STX18: variants seen among roughly 807,000 people sequenced by gnomAD.
STX18 encodes the protein syntaxin 18.
In STX18, 40 loss-of-function variants were observed where a neutral mutation model predicts 50.1. The observed-to-expected ratio is 0.80, with a 90% CI of 0.62 to 1.04. The LOEUF (loss-of-function observed/expected upper bound fraction) is 1.04, where lower values mean the gene tolerates loss of function less well. Ranked by LOEUF, STX18 falls within the 50% of genes least tolerant of loss-of-function variation. The pLI, the probability that STX18 is intolerant of heterozygous loss-of-function variation, is 0.00. For missense variants in STX18, 410 were observed against 415.8 expected, an observed-to-expected ratio of 0.99 and a Z score of 0.12; for synonymous variants, 158 against 151.8, an observed-to-expected ratio of 1.04 and a Z score of -0.30.
chr4:4,447,801 GT>G (rs1460866683), intron 5 of STX18, among the ~76,000 whole-genome samples: 1 of 152,052 alleles, frequency 6.6e-6, no homozygotes, highest in Non-Finnish European at 1.5e-5. Context: ...AGGCAGAATG[GT>G]TAATAAGACA....
At chr4:4,468,874 C>G (rs1038344246) in intron 2 of STX18, among the ~76,000 whole-genome samples, 2 of 152,152 alleles carry the variant, frequency 1.3e-5, no homozygotes, top group Non-Finnish European at 2.9e-5. Flanking sequence ...GTGGAAACAG[C>G]CCCGTATTCT....
chr4:4,422,569 C>CAAA (rs59060926), intron 9 of STX18, among the ~76,000 whole-genome samples: 1 of 107,652 alleles, frequency 9.3e-6, no homozygotes. Context: ...ACTCTGTCTC[C>CAAA]AAAAAAAAAA....
intron 1 of STX18, among the ~76,000 whole-genome samples, chr4:4,512,626 T>C (rs1730055185): frequency 6.6e-6 from 1 of 152,202 alleles, no homozygotes; most frequent in Non-Finnish European, 1.5e-5. Context: ...TGTATAATAC[T>C]GAACTAGATT....
chr4:4,443,579 C>T (rs1473855840), intron 5 of STX18, among the ~76,000 whole-genome samples: 1 of 152,108 alleles, frequency 6.6e-6, no homozygotes. Flanking sequence ...GATTCAGAAA[C>T]CTATGAAGGT....
chr4:4,442,825 C>G (rs1411549355), intron 5 of STX18, among the ~76,000 whole-genome samples: 3 of 146,454 alleles, frequency 2.0e-5, no homozygotes, highest in Non-Finnish European at 3.0e-5. Flanking sequence ...AAAAAAAGCC[C>G]CACCATAGGT....
chr4:4,459,486 G>C lies in STX18; in HGVS notation c.238C>G (p.His80Asp). The C allele has an allele frequency of 6.2e-7, 1 of 1,610,218 alleles. No individual in the cohort carries two copies. The highest frequency in any genetic ancestry group is 8.5e-7 in the Non-Finnish European group (1 of 1,176,652). The change falls in exon 3 of 11, where the codon CAT becomes GAT. Residue 80 changes from histidine to aspartate, a missense_variant and splice_region_variant. Physicochemically the swap from His to Asp is moderately conservative, Grantham distance 81. Coordinates refer to ENST00000306200, the MANE Select transcript of STX18 (RefSeq NM_016930.4). ...ATCCTCCCATATTCAGACATGGTAT[G>C]GCTAAAAAAAGACAGCAAAGGAAAG... ...HRKDYINAYS[H>D]TMSEYGRMTD...
At chr4:4,479,675 A>G (rs1367562066) in intron 1 of STX18, among the ~76,000 whole-genome samples, 1 of 152,254 alleles carries the variant, frequency 6.6e-6, no homozygotes, top group African/African-American at 2.4e-5. Flanking sequence ...TATTTTAATG[A>G]CGCTAATTTC....
chr4:4,419,173 C>G lies in STX18; in HGVS notation c.*861G>C, dbSNP rs1724776530. ...TTCCTGTACAGATGTCTCATGCCTTCAGTTACACATAGGTGTTCCTGTTTA... is the reference window on the plus strand; with the variant it reads ...TTCCTGTACAGATGTCTCATGCCTTGAGTTACACATAGGTGTTCCTGTTTA... On this transcript the variant is annotated 3_prime_UTR_variant, in exon 11 of 11. Transcript: ENST00000306200. The G allele has an allele frequency of 6.6e-6, 1 of 152,268 alleles. No individual in the cohort carries two copies. The highest frequency in any genetic ancestry group is 1.5e-5 in the Non-Finnish European group (1 of 68,064). The allele number at this position is 152,268 out of a possible 1,614,324, so 9.4% of individuals were successfully genotyped here. A position where few individuals can be genotyped will look rare whatever the true frequency, so the allele number is the denominator to read the frequency against.
chr4:4,497,026 C>T (rs1167849865), intron 1 of STX18, among the ~76,000 whole-genome samples: 6 of 152,216 alleles, frequency 3.9e-5, no homozygotes, highest in Non-Finnish European at 8.8e-5. Context: ...GCGAAACAAA[C>T]CCCACAAAGC....
chr4:4,436,419 T>C (rs955529246), intron 6 of STX18, among the ~76,000 whole-genome samples: 1 of 150,220 alleles, frequency 6.7e-6, no homozygotes, highest in African/African-American at 2.4e-5. Context: ...ACCCCCACCT[T>C]ATGAGCTGTC....
intron 5 of STX18, among the ~76,000 whole-genome samples, chr4:4,451,617 G>T (rs1726755697): frequency 6.6e-6 from 1 of 152,032 alleles, no homozygotes; most frequent in South Asian, 2.1e-4. Flanking sequence ...TTATATTTCT[G>T]ATCTGTGATC....
At chr4:4,491,864 T>C (rs890813674) in intron 1 of STX18, among the ~76,000 whole-genome samples, 1 of 152,146 alleles carries the variant, frequency 6.6e-6, no homozygotes, top group Non-Finnish European at 1.5e-5. Flanking sequence ...GACAAAAGAC[T>C]TCTTTTTTTA....
intron 1 of STX18, chr4:4,507,265 G>A (rs1333897727): frequency 1.1e-5 from 8 of 697,728 alleles, no homozygotes; most frequent in Admixed American, 5.4e-5. Context: ...TAAAGAGTCC[G>A]GCATCTCCCA....
intron 1 of STX18, among the ~76,000 whole-genome samples, chr4:4,521,320 T>C (rs1320550303): frequency 2.6e-5 from 4 of 152,108 alleles, no homozygotes; most frequent in Non-Finnish European, 4.4e-5. Flanking sequence ...ACAAACACAA[T>C]ACCACAATGT....
intron 1 of STX18, among the ~76,000 whole-genome samples, chr4:4,511,760 G>GTGTA (rs1560202479): frequency 7.6e-6 from 1 of 131,052 alleles, no homozygotes; most frequent in African/African-American, 3.4e-5. Context: ...GTGTGTGTGT[G>GTGTA]TATGCCCCTA....
At chr4:4,495,550 T>C (rs1001376401) in intron 1 of STX18, among the ~76,000 whole-genome samples, 7 of 142,690 alleles carry the variant, frequency 4.9e-5, no homozygotes, top group African/African-American at 1.8e-4. Context: ...GTCTGGCTAA[T>C]TTTTTTTCTT....
intron 1 of STX18, among the ~76,000 whole-genome samples, chr4:4,527,501 G>A (rs1292745772): frequency 6.6e-6 from 1 of 152,034 alleles, no homozygotes; most frequent in Non-Finnish European, 1.5e-5. Context: ...TATTAGGTAT[G>A]TAAACTGTCC....
chr4:4,425,982 A>T (rs1725225272), intron 7 of STX18: 1 of 152,256 alleles, frequency 6.6e-6, no homozygotes, highest in Non-Finnish European at 1.5e-5. Flanking sequence ...AGGCCCCCAC[A>T]GCCCTGTCCT....
At chr4:4,514,380 T>C (rs1560204033) in intron 1 of STX18, among the ~76,000 whole-genome samples, 1 of 152,232 alleles carries the variant, frequency 6.6e-6, no homozygotes, top group Non-Finnish European at 1.5e-5. Flanking sequence ...ACTGGTCTCA[T>C]TAAAAACATT....
Sources: gnomAD v4.1 joint callset for allele counts (sites outside exome capture counted in the v4.1 genomes callset) on GRCh38, gnomAD v4.1.1 for gene constraint, MANE v1.5 for transcripts, NCBI Gene and HGNC (gene_info 2026-07-23, HGNC 2026-07-21) for gene names.